NSD1: variants seen among roughly 807,000 people sequenced by gnomAD.
NSD1 encodes the protein histone-lysine N-methyltransferase, H3 lysine-36 specific.
In NSD1, 26 loss-of-function variants were observed where a neutral mutation model predicts 242.7. The observed-to-expected ratio is 0.11, with a 90% confidence interval of 0.08 to 0.15. The LOEUF is 0.15. Among genes scored for constraint, NSD1 ranks in the 10% least tolerant of loss-of-function variants. The probability of loss-of-function intolerance (pLI) is 1.00; values close to 1 mark genes in which losing one functional copy is unlikely to be tolerated. For missense variants in NSD1, 2,495 were observed against 3,272.8 expected (o/e 0.76, Z 5.80); for synonymous variants, 1,106 against 1,178.1 (o/e 0.94, Z 1.25).
intron 20 of NSD1, among the ~76,000 whole-genome samples, chr5:177,285,356 G>A (rs1381872216): frequency 6.6e-6 from 1 of 152,004 alleles, no homozygotes; most frequent in Non-Finnish European, 1.5e-5. Flanking sequence ...GAGGTCAGGA[G>A]ATCGAGACCA....
At position 177,224,505 on chromosome 5, in the gene NSD1, A is replaced by G. The variant is rs923081901; in HGVS notation, c.3797-11316A>G. ...TTTGTATATTATTTTAATATTTAAT[A>G]TTAATACAAACATTTTGTATATTAT... On this transcript the variant is annotated intron_variant, in intron 5 of 22. Transcript: ENST00000439151. Among the ~76,000 whole-genome samples the G allele has an allele frequency of 2.6e-5, 4 of 152,116 alleles. No individual in the cohort carries two copies. The East Asian group carries it at 7.7e-4, about 29-fold the overall frequency.
intron 2 of NSD1, among the ~76,000 whole-genome samples, chr5:177,190,334 C>T (rs1010116330): frequency 6.6e-6 from 1 of 152,188 alleles, no homozygotes; most frequent in Admixed American, 6.5e-5. Flanking sequence ...GGCCGGCGTG[C>T]AGTGGCGCAA....
intron 5 of NSD1, among the ~76,000 whole-genome samples, chr5:177,233,537 AT>A (rs56908682): frequency 2.8e-4 from 36 of 126,376 alleles, no homozygotes; most frequent in Non-Finnish European, 1.9e-4. Context: ...CCTGGCTAGT[AT>A]TTTTTTTTTT....
chr5:177,216,556 A>G (rs1162801099), intron 5 of NSD1, among the ~76,000 whole-genome samples: 1 of 151,790 alleles, frequency 6.6e-6, no homozygotes, highest in Non-Finnish European at 1.5e-5. Flanking sequence ...GCATGTGCAT[A>G]TCCAGTTTTC....
At position 177,135,293 on chromosome 5, in the gene NSD1, G is replaced by A. The variant is rs1756219592; in HGVS notation, c.190G>A (p.Asp64Asn). The A allele has an allele frequency of 1.2e-6, 2 of 1,613,454 alleles. No homozygotes were observed. Among genetic ancestry groups the A allele is most frequent in the Non-Finnish European group, 1.7e-6 (2 of 1,179,500 alleles). The stretch of plus-strand genomic sequence containing the variant: ...AACATCCCAAAATGCTTATGGACAA[G>A]ATTCTCCATCTTGTTACATTCCACT... ...SGTSQNAYGQ[D>N]SPSCYIPLRR... The change falls in exon 2 of 23, where the codon GAT (aspartate) becomes AAT (asparagine). Residue 64 changes from aspartate (D) to asparagine (N), a missense_variant. By Grantham distance (23) the Asp-to-Asn change is conservative (BLOSUM62 1). This residue lies in a region of NSD1 where 376 missense variants were observed against 367.4 expected (regional missense o/e 1.02). Coordinates refer to ENST00000439151, the MANE Select transcript of NSD1 (RefSeq NM_022455.5).
chr5:177,175,516 G>T (rs117751808), intron 2 of NSD1, among the ~76,000 whole-genome samples: 3 of 151,942 alleles, frequency 2.0e-5, no homozygotes, highest in African/African-American at 7.3e-5. Flanking sequence ...TAGTCCCAGC[G>T]ACTTGGTGGG....
chr5:177,229,917 T>C (rs1238351692), intron 5 of NSD1: 1 of 176,494 alleles, frequency 5.7e-6, no homozygotes, highest in Non-Finnish European at 1.2e-5. Context: ...CTAGTTTTTG[T>C]ATTTTTAGTA....
In NSD1 at chr5:177,238,609, A is replaced by G; in HGVS notation, c.4192+102A>G. 3 of 1,299,556 alleles carry G rather than the reference A, an allele frequency of 2.3e-6. No homozygotes were observed. The highest frequency in any genetic ancestry group is 2.4e-5 in the South Asian group (2 of 84,144). 80.5% of individuals were successfully genotyped at this position (1,299,556 alleles called of 1,614,324 possible). ...AAAGCCAACATTGTATCTATATACA[A>G]TAAACTACCCCCTTTTGTCCTGGGA... On this transcript the variant is annotated intron_variant, in intron 7 of 22. Transcript: ENST00000439151. The surrounding 1 kb of genome is among the most constrained non-coding windows in gnomAD (Gnocchi z 4.6).
chr5:177,230,586 A>G (rs1010948923), intron 5 of NSD1, among the ~76,000 whole-genome samples: 2 of 151,960 alleles, frequency 1.3e-5, no homozygotes, highest in Non-Finnish European at 2.9e-5. Flanking sequence ...AGCACTTTGG[A>G]AGGCTGAGGT....
chr5:177,151,688 C>CT (rs763118605), intron 2 of NSD1, among the ~76,000 whole-genome samples: 275 of 141,640 alleles, frequency 1.9e-3, no homozygotes, highest in Admixed American at 2.8e-3. Context: ...CGTGCGTGTC[C>CT]TTTTTTTTTT....
At chr5:177,223,771 TC>T (rs1439250097) in intron 5 of NSD1, among the ~76,000 whole-genome samples, 2 of 152,050 alleles carry the variant, frequency 1.3e-5, no homozygotes, top group Non-Finnish European at 2.9e-5. Context: ...TCACCTGAGA[TC>T]AGGAGTTCTA....
chr5:177,247,604 C>T lies in NSD1; in HGVS notation c.4498-577C>T, dbSNP rs1358362092. Among the ~76,000 whole-genome samples the T allele has an allele frequency of 2.6e-5, 4 of 151,238 alleles. No homozygotes were observed. The East Asian group carries it at 5.8e-4, about 22-fold the overall frequency. On this transcript the variant is annotated intron_variant, in intron 10 of 22. Coordinates refer to ENST00000439151, the MANE Select transcript of NSD1 (RefSeq NM_022455.5). ...AAAAAATCGAGACTGCTGTGGTTAG[C>T]GGGAAGATTTACTTGCTTATTTCTT...
chr5:177,166,512 T>C (rs552320085), intron 2 of NSD1, among the ~76,000 whole-genome samples: 2 of 151,464 alleles, frequency 1.3e-5, no homozygotes, highest in East Asian at 3.9e-4. Flanking sequence ...ACCACTGCAC[T>C]CCAGCCTGGG....
upstream of NSD1, among the ~76,000 whole-genome samples, chr5:177,133,433 A>G (rs1417345712): frequency 6.6e-6 from 1 of 151,464 alleles, no homozygotes; most frequent in Non-Finnish European, 1.5e-5. The surrounding 1 kb of genome is among the most constrained non-coding windows in gnomAD (Gnocchi z 6.2). Flanking sequence ...GCCACCCACG[A>G]CGCCCGCAGG....
intron 2 of NSD1, chr5:177,136,320 A>C: frequency 3.6e-6 from 1 of 274,198 alleles, no homozygotes; most frequent in Non-Finnish European, 6.9e-6. Flanking sequence ...GGAGGTATAC[A>C]TATATGATTA....
intron 5 of NSD1, among the ~76,000 whole-genome samples, chr5:177,233,537 ATTTTTT>A (rs56908682): frequency 3.2e-5 from 4 of 126,430 alleles, no homozygotes; most frequent in Non-Finnish European, 6.4e-5. Flanking sequence ...CCTGGCTAGT[ATTTTTT>A]TTTTTTTTTT....
Position 177,147,245 on chromosome 5 carries a change from A to G in NSD1, c.927+11215A>G, listed in dbSNP as rs76515674. Reference sequence around the variant, plus strand: ...CTCAGCCTCCTGATTAGCTGCGACTACAGGCACTTGCCACCATGCCCCACT... The same window carrying G: ...CTCAGCCTCCTGATTAGCTGCGACTGCAGGCACTTGCCACCATGCCCCACT... On this transcript the variant is annotated intron_variant, in intron 2 of 22. Coordinates refer to ENST00000439151, the MANE Select transcript of NSD1 (RefSeq NM_022455.5). Among the ~76,000 whole-genome samples, 257 of 152,168 alleles carry G rather than the reference A, an allele frequency of 1.7e-3. 8 individuals are homozygous for G. The East Asian group carries it at 0.044, about 26-fold the overall frequency.
At chr5:177,243,626 G>A (rs925190114) in intron 8 of NSD1, among the ~76,000 whole-genome samples, 5 of 152,156 alleles carry the variant, frequency 3.3e-5, no homozygotes, top group Non-Finnish European at 7.4e-5. Flanking sequence ...TCTATATGTT[G>A]GAAATCTCTG....
intron 2 of NSD1, among the ~76,000 whole-genome samples, chr5:177,159,011 T>TATATATGAATG (rs1554173349): frequency 7.6e-5 from 10 of 132,096 alleles, no homozygotes; most frequent in African/African-American, 2.6e-4. Flanking sequence ...TATATATATA[T>TATATATGAATG]ATATATATAT....
Sources: gnomAD v4.1 joint callset for allele counts (sites outside exome capture counted in the v4.1 genomes callset) on GRCh38, gnomAD v4.1.1 for gene constraint, gnomAD v4.1.1 regional missense constraint, Gnocchi (gnomAD v3.1) non-coding constraint, MANE v1.5 for transcripts, NCBI Gene and HGNC (gene_info 2026-07-23, HGNC 2026-07-21) for gene names.